LRRC28: variants seen among roughly 807,000 people sequenced by gnomAD.
LRRC28 encodes leucine rich repeat containing 28.
Under a neutral mutation model 45.7 loss-of-function variants are expected in LRRC28, and 39 were observed. The observed-to-expected ratio is 0.85, with a 90% confidence interval of 0.66 to 1.12. LRRC28 has a LOEUF of 1.12. LRRC28 is among the 50% of genes most tolerant of loss of function. The pLI, the probability that LRRC28 is intolerant of heterozygous loss-of-function variation, is 0.00. For missense variants in LRRC28, 435 were observed against 438.5 expected (o/e 0.99, Z 0.07); for synonymous variants, 206 against 178.8 (o/e 1.15, Z -1.22).
intron 5 of LRRC28, among the ~76,000 whole-genome samples, chr15:99,289,616 T>C (rs1282929707): frequency 6.6e-6 from 1 of 152,208 alleles, no homozygotes; most frequent in Non-Finnish European, 1.5e-5. Context: ...CTGGCCTTAA[T>C]ATATAGATTC....
At position 99,305,851 on chromosome 15, in the gene LRRC28, T is replaced by C. The variant is rs757080146; in HGVS notation, c.385+17900T>C. Among the ~76,000 whole-genome samples the C allele has an allele frequency of 3.8e-4, 58 of 152,352 alleles. 1 individual carries two copies. The highest frequency in any genetic ancestry group is 1.4e-3 in the African/African-American group (58 of 41,594). ...TTCAAACTGAGCTCTACATAAAGTA[T>C]GTTAGTATATATTTGTAAGAATTGT... On this transcript the variant is annotated intron_variant, in intron 5 of 9. Coordinates refer to ENST00000301981, the MANE Select transcript of LRRC28 (RefSeq NM_144598.5).
chr15:99,362,689 G>A lies in LRRC28; in HGVS notation c.872-417G>A, dbSNP rs148592201. On this transcript the variant is annotated intron_variant, in intron 8 of 9. Transcript: ENST00000301981. ...TATGATTTAGCCTTGGTGGAGGATT[G>A]ATACTAAATGCCTGATAGATTAGGG... 2.2e-4 allele frequency among the ~76,000 whole-genome samples: 33 copies of A among 152,180 alleles called. 1 individual carries two copies. The East Asian group carries it at 5.6e-3, about 26-fold the overall frequency.
intron 5 of LRRC28, among the ~76,000 whole-genome samples, chr15:99,303,763 G>A (rs1172704792): frequency 1.3e-5 from 2 of 152,106 alleles, no homozygotes; most frequent in Non-Finnish European, 2.9e-5. Context: ...GAATCCGGGA[G>A]GTGGAGGTTG....
intron 2 of LRRC28, among the ~76,000 whole-genome samples, chr15:99,273,070 A>C (rs2152161066): frequency 6.6e-6 from 1 of 152,322 alleles, no homozygotes; most frequent in Non-Finnish European, 1.5e-5. Flanking sequence ...GAAGTGTAAA[A>C]ATTAAAACGT....
At chr15:99,258,405 A>G in intron 2 of LRRC28, 1 of 975,094 alleles carries the variant, frequency 1.0e-6, no homozygotes, top group Non-Finnish European at 1.7e-6. Context: ...CTTGCATTGG[A>G]TACAATTAAA....
intron 9 of LRRC28, among the ~76,000 whole-genome samples, chr15:99,365,577 A>G (rs932008619): frequency 6.6e-6 from 1 of 152,260 alleles, no homozygotes; most frequent in African/African-American, 2.4e-5. Context: ...AATCTCCAGT[A>G]GCTTGTTGCT....
At chr15:99,284,407 G>A (rs540218787) in intron 3 of LRRC28, among the ~76,000 whole-genome samples, 1 of 152,122 alleles carries the variant, frequency 6.6e-6, no homozygotes, top group South Asian at 2.1e-4. Flanking sequence ...ACTTTCCACA[G>A]AACAGAAACT....
intron 6 of LRRC28, among the ~76,000 whole-genome samples, chr15:99,345,855 A>G (rs1037704004): frequency 1.1e-4 from 17 of 152,242 alleles, no homozygotes; most frequent in African/African-American, 4.1e-4. Context: ...CTGTTACACC[A>G]TTTAACATAT....
intron 6 of LRRC28, among the ~76,000 whole-genome samples, chr15:99,341,323 C>G (rs1264217405): frequency 6.6e-6 from 1 of 152,082 alleles, no homozygotes; most frequent in East Asian, 1.9e-4. Flanking sequence ...AACTCCTGAC[C>G]TCAGCTGATC....
intron 9 of LRRC28, among the ~76,000 whole-genome samples, chr15:99,372,417 A>G (rs1267018322): frequency 2.0e-5 from 3 of 152,236 alleles, no homozygotes; most frequent in Non-Finnish European, 4.4e-5. Context: ...GCTTAGCTCA[A>G]AGTGTTTCCC....
At chr15:99,305,126 G>A (rs12906323) in intron 5 of LRRC28, among the ~76,000 whole-genome samples, 14,700 of 152,132 alleles carry the variant, frequency 0.097, 1,004 homozygotes, top group East Asian at 0.33. Flanking sequence ...GCCTTTTGCT[G>A]TGCTCTAGAG....
intron 5 of LRRC28, chr15:99,332,064 A>G (rs1483303458): frequency 7.9e-5 from 12 of 152,000 alleles, no homozygotes; most frequent in African/African-American, 2.9e-4. Flanking sequence ...CCACATAGTC[A>G]TTTTTTGATT....
intron 6 of LRRC28, among the ~76,000 whole-genome samples, chr15:99,343,695 T>G (rs1956591413): frequency 6.6e-6 from 1 of 152,178 alleles, no homozygotes; most frequent in African/African-American, 2.4e-5. Context: ...GCGTGATGTA[T>G]CTATTGTAAG....
intron 5 of LRRC28, among the ~76,000 whole-genome samples, chr15:99,306,437 A>G (rs1401065365): frequency 1.3e-5 from 2 of 152,254 alleles, no homozygotes; most frequent in Non-Finnish European, 2.9e-5. Context: ...TTAAACATAC[A>G]TACACACAAA....
intron 9 of LRRC28, among the ~76,000 whole-genome samples, chr15:99,369,435 G>A (rs537470153): frequency 8.5e-5 from 13 of 152,290 alleles, no homozygotes; most frequent in East Asian, 3.9e-4. Flanking sequence ...AGGCTGGCGC[G>A]TTCAGAACTG....
intron 9 of LRRC28, among the ~76,000 whole-genome samples, chr15:99,369,722 C>G (rs903115161): frequency 2.0e-5 from 3 of 152,212 alleles, no homozygotes; most frequent in Middle Eastern, 3.4e-3. Context: ...AGTATTTGAC[C>G]AAACAAATGG....
At chr15:99,372,028 A>G (rs981952575) in intron 9 of LRRC28, among the ~76,000 whole-genome samples, 2 of 152,228 alleles carry the variant, frequency 1.3e-5, no homozygotes, top group Admixed American at 6.5e-5. Flanking sequence ...AGCAGATACA[A>G]TATGTTATTA....
intron 5 of LRRC28, among the ~76,000 whole-genome samples, chr15:99,309,424 T>C (rs1268088898): frequency 6.6e-6 from 1 of 152,194 alleles, no homozygotes; most frequent in Non-Finnish European, 1.5e-5. Context: ...TTTTTCTTTT[T>C]TTGAGATGGA....
chr15:99,297,996 G>A (rs2082309283), intron 5 of LRRC28, among the ~76,000 whole-genome samples: 2 of 151,744 alleles, frequency 1.3e-5, no homozygotes, highest in African/African-American at 4.8e-5. Flanking sequence ...AAAGGGAAAT[G>A]GTAGAAAACT....
Sources: gnomAD v4.1 joint callset for allele counts (sites outside exome capture counted in the v4.1 genomes callset) on GRCh38, gnomAD v4.1.1 for gene constraint, MANE v1.5 for transcripts, NCBI Gene and HGNC (gene_info 2026-07-23, HGNC 2026-07-21) for gene names.